SYNPR: variants seen among roughly 807,000 people sequenced by gnomAD.
SYNPR encodes the protein synaptoporin.
In SYNPR, 23 loss-of-function variants were observed where a neutral mutation model predicts 32.9. The ratio of observed to expected loss-of-function variants is 0.70; its 90% CI spans 0.50 to 0.99. SYNPR has a LOEUF of 0.99. Ranked by LOEUF, SYNPR falls within the 50% of genes least tolerant of loss-of-function variation. The pLI is 0.00. For synonymous variants in SYNPR, 146 were observed against 135.9 expected, an observed-to-expected ratio of 1.07 and a Z score of -0.52; for missense variants, 318 against 349.3, an observed-to-expected ratio of 0.91 and a Z score of 0.71.
Position 63,354,304 on chromosome 3 carries a change from G to A in SYNPR, c.84+75562G>A, listed in dbSNP as rs918454896. 3.9e-5 allele frequency among the ~76,000 whole-genome samples: 6 copies of A among 152,288 alleles called. No individual in the cohort carries two copies. The East Asian group carries it at 9.6e-4, about 24-fold the overall frequency. ...AAAGCAAACCCTAACTGCAGGGTAA[G>A]GGTTTGCTTTCCTGAATCATCCAGT... is the stretch of plus-strand genomic sequence containing the variant. On this transcript the variant is annotated intron_variant, in intron 2 of 5. Coordinates refer to ENST00000478300, the MANE Select transcript of SYNPR (RefSeq NM_001130003.2).
chr3:63,463,668 A>G (rs1839733), intron 2 of SYNPR, among the ~76,000 whole-genome samples: 103,176 of 151,898 alleles, frequency 0.68, 35,894 homozygotes, highest in African/African-American at 0.84. Context: ...TAATATATGC[A>G]CACATGAAAA....
chr3:63,303,287 G>C (rs1280282594), intron 2 of SYNPR, among the ~76,000 whole-genome samples: 1 of 151,792 alleles, frequency 6.6e-6, no homozygotes, highest in South Asian at 2.1e-4. Context: ...TTTCAAGCAG[G>C]GTGGTGTAGA....
intron 3 of SYNPR, among the ~76,000 whole-genome samples, chr3:63,538,523 T>C (rs1702247283): frequency 1.3e-5 from 2 of 152,126 alleles, no homozygotes; most frequent in African/African-American, 4.8e-5. Context: ...AGTATATTTA[T>C]CTGCCCCATT....
chr3:63,206,565 A>AAAAAG, the SYNPR span, among the ~76,000 whole-genome samples: 1 of 152,208 alleles, frequency 6.6e-6, no homozygotes, highest in Non-Finnish European at 1.5e-5. Context: ...TGTCTCAAAA[A>AAAAAG]AAAAGAAAAG....
chr3:63,582,369 G>T (rs975363357), intron 4 of SYNPR, among the ~76,000 whole-genome samples: 5 of 151,858 alleles, frequency 3.3e-5, no homozygotes, highest in Non-Finnish European at 5.9e-5. Flanking sequence ...ACACAATATG[G>T]CATATAATCA....
chr3:63,400,935 G>A (rs2107100945), intron 2 of SYNPR, among the ~76,000 whole-genome samples: 1 of 152,228 alleles, frequency 6.6e-6, no homozygotes, highest in East Asian at 1.9e-4. Context: ...TACATATGAT[G>A]GAAAATCCTC....
chr3:63,393,955 CT>C (rs1678981595), intron 2 of SYNPR, among the ~76,000 whole-genome samples: 2 of 152,092 alleles, frequency 1.3e-5, no homozygotes, highest in African/African-American at 4.8e-5. Flanking sequence ...TTGTTATTGA[CT>C]TGTAGTAGTT....
intron 3 of SYNPR, among the ~76,000 whole-genome samples, chr3:63,530,058 C>A (rs1193269053): frequency 6.6e-6 from 1 of 152,036 alleles, no homozygotes; most frequent in African/African-American, 2.4e-5. Context: ...TGCACCCTGA[C>A]CCCCATGCCT....
At chr3:63,432,599 G>A (rs989648782) in intron 2 of SYNPR, among the ~76,000 whole-genome samples, 4 of 152,176 alleles carry the variant, frequency 2.6e-5, no homozygotes, top group African/African-American at 4.8e-5. Context: ...TTTTAGATTA[G>A]CCCCTCCTCT....
At chr3:63,278,049 T>G (rs1452384091), upstream of SYNPR, 4 of 154,716 alleles carry the variant, frequency 2.6e-5, no homozygotes, top group Non-Finnish European at 5.7e-5. Context: ...TCCTCCTACC[T>G]GGAAACCCCT....
chr3:63,491,496 A>G (rs1255077744), intron 3 of SYNPR, among the ~76,000 whole-genome samples: 1 of 152,012 alleles, frequency 6.6e-6, no homozygotes, highest in African/African-American at 2.4e-5. Flanking sequence ...TGGCTTTTAC[A>G]CTTTTAAAGG....
At chr3:63,386,600 T>TTTCC (rs796874443) in intron 2 of SYNPR, among the ~76,000 whole-genome samples, 6 of 92,320 alleles carry the variant, frequency 6.5e-5, no homozygotes, top group East Asian at 6.6e-4. Flanking sequence ...TTGGATTATA[T>TTTCC]TTACTTCCTT....
intron 2 of SYNPR, among the ~76,000 whole-genome samples, chr3:63,365,892 G>A (rs987984830): frequency 6.6e-6 from 1 of 152,018 alleles, no homozygotes; most frequent in African/African-American, 2.4e-5. Context: ...CATTAATAGG[G>A]GCACACCTCA....
chr3:63,503,398 GTCT>G (rs1237786082), intron 3 of SYNPR, among the ~76,000 whole-genome samples: 1 of 152,018 alleles, frequency 6.6e-6, no homozygotes, highest in Non-Finnish European at 1.5e-5. Flanking sequence ...TCTATGGCTT[GTCT>G]TCTTCATTCT....
At chr3:63,364,447 A>T (rs1486955314) in intron 2 of SYNPR, among the ~76,000 whole-genome samples, 1 of 152,222 alleles carries the variant, frequency 6.6e-6, no homozygotes, top group Non-Finnish European at 1.5e-5. Flanking sequence ...GTCATACTAG[A>T]AGTATCAATT....
In SYNPR at chr3:63,534,964, G is replaced by T. The variant is rs75718437; in HGVS notation, c.210-21579G>T. Among the ~76,000 whole-genome samples the T allele has an allele frequency of 2.0e-5, 3 of 151,894 alleles. No homozygotes were observed. The South Asian group carries it at 6.3e-4, about 32-fold the overall frequency. On this transcript the variant is annotated intron_variant, in intron 3 of 5. Coordinates refer to ENST00000478300, the MANE Select transcript of SYNPR (RefSeq NM_001130003.2). ...CCCACCTCCCAACATTGCCACATTG[G>T]GTATCAAATTACAATATGAAAGTGA...
At chr3:63,452,674 T>C (rs1407874120) in intron 2 of SYNPR, among the ~76,000 whole-genome samples, 5 of 131,978 alleles carry the variant, frequency 3.8e-5, no homozygotes, top group Non-Finnish European at 6.9e-5. Flanking sequence ...ATTTTAAGAA[T>C]GGGGAAAATG....
At chr3:63,285,255 A>G (rs1415074901) in intron 2 of SYNPR, among the ~76,000 whole-genome samples, 1 of 152,236 alleles carries the variant, frequency 6.6e-6, no homozygotes, top group African/African-American at 2.4e-5. Flanking sequence ...TTAGTTATTA[A>G]TTAATCAAGG....
At chr3:63,594,380 A>AAT (rs1331360587) in intron 4 of SYNPR, among the ~76,000 whole-genome samples, 2 of 152,218 alleles carry the variant, frequency 1.3e-5, no homozygotes, top group Admixed American at 6.6e-5. Flanking sequence ...CATTATGAGA[A>AAT]TTAAATGAGT....
Sources: gnomAD v4.1 joint callset for allele counts (sites outside exome capture counted in the v4.1 genomes callset) on GRCh38, gnomAD v4.1.1 for gene constraint, MANE v1.5 for transcripts, NCBI Gene and HGNC (gene_info 2026-07-23, HGNC 2026-07-21) for gene names.